Variants in MRTFA observed in about 807,000 individuals in gnomAD.
MRTFA encodes the protein myocardin related transcription factor A, also known as myocardin-related transcription factor A.
In MRTFA, 20 loss-of-function variants were observed where a neutral mutation model predicts 83.5. The observed-to-expected ratio is 0.24, with a 90% CI of 0.17 to 0.35. The LOEUF is 0.35. Among genes scored for constraint, MRTFA ranks in the 10% least tolerant of loss-of-function variants. MRTFA has a pLI of 1.00. For missense variants in MRTFA, 1,200 were observed against 1,224.7 expected, an observed-to-expected ratio of 0.98 and a Z score of 0.30; for synonymous variants, 659 against 541.2, an observed-to-expected ratio of 1.22 and a Z score of -3.02.
intron 3 of MRTFA, among the ~76,000 whole-genome samples, chr22:40,548,343 A>T: frequency 7.4e-6 from 1 of 135,696 alleles, no homozygotes. Flanking sequence ...TGGGTGACAG[A>T]GCAAGACTCC....
intron 3 of MRTFA, among the ~76,000 whole-genome samples, chr22:40,485,189 G>T (rs1394297194): frequency 6.6e-6 from 1 of 152,078 alleles, no homozygotes; most frequent in East Asian, 1.9e-4. Context: ...TCAGCAGAAT[G>T]CTTATTTTAA....
At chr22:40,566,701 C>T (rs1367802543) in intron 2 of MRTFA, among the ~76,000 whole-genome samples, 1 of 152,068 alleles carries the variant, frequency 6.6e-6, no homozygotes, top group Non-Finnish European at 1.5e-5. Context: ...AGCATGGTGG[C>T]GAGTGCCTGC....
chr22:40,419,417 G>A lies in MRTFA; in HGVS notation c.1354-33C>T, dbSNP rs769661364. The A allele has an allele frequency of 9.4e-6, 15 of 1,602,920 alleles. No individual in the cohort carries two copies. The South Asian group carries it at 1.4e-4, about 15-fold the overall frequency. On this transcript the variant is annotated intron_variant, in intron 11 of 14. Transcript: ENST00000355630. The stretch of plus-strand genomic sequence containing the variant: ...GCAGTCAAGAGTCAGGGAGGCCAGG[G>A]GCAGCTGGACACAGGGCACTGGGTC...
chr22:40,576,647 A>G (rs1300196753), intron 2 of MRTFA, among the ~76,000 whole-genome samples: 2 of 152,238 alleles, frequency 1.3e-5, no homozygotes, highest in Non-Finnish European at 2.9e-5. Flanking sequence ...AAAATGGACT[A>G]GGGAAAATAC....
chr22:40,426,880 C>A (rs2052965166), intron 7 of MRTFA, among the ~76,000 whole-genome samples: 1 of 152,202 alleles, frequency 6.6e-6, no homozygotes, highest in Non-Finnish European at 1.5e-5. Flanking sequence ...CTCTAGGCGC[C>A]AAGGACCATC....
intron 1 of MRTFA, among the ~76,000 whole-genome samples, chr22:40,599,024 G>A (rs888120810): frequency 1.4e-5 from 2 of 147,526 alleles, no homozygotes; most frequent in Admixed American, 1.4e-4. Context: ...AAACCTGGGC[G>A]TGGTGGCTCA....
intron 4 of MRTFA, among the ~76,000 whole-genome samples, chr22:40,457,486 GA>G (rs750318222): frequency 1.6e-5 from 2 of 127,912 alleles, no homozygotes; most frequent in Non-Finnish European, 3.5e-5. Context: ...AAGAAAGAAA[GA>G]AGGAAAGAAA....
At chr22:40,414,248 C>G (rs2052628354) in intron 14 of MRTFA, among the ~76,000 whole-genome samples, 1 of 152,114 alleles carries the variant, frequency 6.6e-6, no homozygotes, top group African/African-American at 2.4e-5. Flanking sequence ...GAAGCTGAGG[C>G]AGGAGAATTG....
intron 3 of MRTFA, among the ~76,000 whole-genome samples, chr22:40,475,711 G>A (rs144144420): frequency 6.6e-6 from 1 of 152,218 alleles, no homozygotes; most frequent in African/African-American, 2.4e-5. Flanking sequence ...AGAATTGCTT[G>A]TTTCTTTAAA....
At chr22:40,576,028 CTTTTT>C (rs918851256) in intron 2 of MRTFA, among the ~76,000 whole-genome samples, 4 of 131,406 alleles carry the variant, frequency 3.0e-5, no homozygotes, top group Non-Finnish European at 3.3e-5. Context: ...ATGTAAATTT[CTTTTT>C]TTTTTTTTTT....
At chr22:40,449,717 C>T (rs535359017) in intron 4 of MRTFA, among the ~76,000 whole-genome samples, 1 of 152,330 alleles carries the variant, frequency 6.6e-6, no homozygotes, top group African/African-American at 2.4e-5. Flanking sequence ...TTCTCAATAG[C>T]TTGATTCAAA....
Position 40,411,703 on chromosome 22 carries a change from G to T in MRTFA, c.2783C>A (p.Thr928Asn). 3 of 1,587,870 alleles carry T rather than the reference G, an allele frequency of 1.9e-6. No homozygotes were observed. Among genetic ancestry groups the T allele is most frequent in the Non-Finnish European group, 2.6e-6 (3 of 1,163,658 alleles). Residue 928 changes from threonine (T) to asparagine (N), a missense_variant, in exon 15 of 15, where the codon ACC becomes AAC. By Grantham distance (65) the Thr-to-Asn change is moderately conservative. Transcript: ENST00000355630. ...GGGCTCTGGCCCGTCATGCCCACTG[G>T]TCAGCAGGGGCAGCCCCGTGCTGCT...
chr22:40,445,527 G>T (rs938056526), intron 4 of MRTFA, among the ~76,000 whole-genome samples: 5 of 150,902 alleles, frequency 3.3e-5, no homozygotes, highest in Admixed American at 6.6e-5. Context: ...AAGCCAAGGG[G>T]TTTTTTTTTG....
Position 40,411,368 on chromosome 22 carries a change from C to G in MRTFA, c.*22G>C. 7.8e-6 allele frequency: 12 copies of G among 1,533,728 alleles called. No homozygotes were observed. Among genetic ancestry groups the G allele is most frequent in the Non-Finnish European group, 1.1e-5 (12 of 1,133,598 alleles). On this transcript the variant is annotated 3_prime_UTR_variant, in exon 15 of 15. Coordinates refer to ENST00000355630, the MANE Select transcript of MRTFA (RefSeq NM_020831.6). Reference sequence around the variant, plus strand: ...GTACCCTGGCTCCCAGCCCCTTCCCCACCCCGTCTTGAGCCAGAGAGCTAC... The same window carrying G: ...GTACCCTGGCTCCCAGCCCCTTCCCGACCCCGTCTTGAGCCAGAGAGCTAC...
intron 2 of MRTFA, among the ~76,000 whole-genome samples, chr22:40,563,223 C>A (rs760559494): frequency 2.0e-5 from 3 of 152,102 alleles, no homozygotes; most frequent in Non-Finnish European, 4.4e-5. Context: ...CTTCCCCATC[C>A]TACTTCCTTC....
At chr22:40,417,174 C>T in intron 13 of MRTFA, 128 bp from the exon 14 acceptor site, 1 of 1,361,640 alleles carries the variant, frequency 7.3e-7, no homozygotes, top group East Asian at 2.5e-5. Flanking sequence ...CATGGGCGTG[C>T]CCGGACTCCT....
intron 14 of MRTFA, among the ~76,000 whole-genome samples, chr22:40,413,137 CAAAAAAAAAA>C (rs35119560): frequency 5.0e-4 from 14 of 28,138 alleles, no homozygotes; most frequent in Non-Finnish European, 6.0e-4. Flanking sequence ...CACCCTGTCT[CAAAAAAAAAA>C]AAAAAAAAAA....
At position 40,481,869 on chromosome 22, in the gene MRTFA, G is replaced by T. The variant is rs149999683; in HGVS notation, c.242-18583C>A. Among the ~76,000 whole-genome samples, 278 of 152,160 alleles carry T rather than the reference G, an allele frequency of 1.8e-3. 2 individuals carry two copies. The highest frequency in any genetic ancestry group is 6.2e-3 in the African/African-American group (257 of 41,464). On this transcript the variant is annotated intron_variant, in intron 3 of 14. Coordinates refer to ENST00000355630, the MANE Select transcript of MRTFA (RefSeq NM_020831.6). ...AGGTCAGGAGATCGAGACCATCCTG[G>T]CTAACACGGTGAAACCCCGTCTCTA...
At chr22:40,585,097 C>T (rs922511220) in intron 2 of MRTFA, among the ~76,000 whole-genome samples, 2 of 152,038 alleles carry the variant, frequency 1.3e-5, no homozygotes, top group South Asian at 4.2e-4. Context: ...TACCAAAGAA[C>T]AAAAATATTA....
Sources: gnomAD v4.1 joint callset for allele counts (sites outside exome capture counted in the v4.1 genomes callset) on GRCh38, gnomAD v4.1.1 for gene constraint, MANE v1.5 for transcripts, NCBI Gene and HGNC (gene_info 2026-07-23, HGNC 2026-07-21) for gene names.